The following VRK1 variants were observed in gnomAD, a reference collection of about 807,000 sequenced individuals.
VRK1 encodes the protein serine/threonine-protein kinase VRK1.
Under a neutral mutation model 57.1 loss-of-function variants are expected in VRK1, and 33 were observed. The ratio of observed to expected loss-of-function variants is 0.58; its 90% CI spans 0.44 to 0.77. The LOEUF is 0.77. VRK1 is among the 30% of genes least tolerant of loss of function. VRK1 has a pLI of 0.00. For missense variants in VRK1, 413 were observed against 477.3 expected (o/e 0.87, Z 1.25); for synonymous variants, 137 against 147.8 (o/e 0.93, Z 0.53).
intron 11 of VRK1, among the ~76,000 whole-genome samples, chr14:96,873,338 C>T (rs1410273572): frequency 6.6e-6 from 1 of 152,088 alleles, no homozygotes; most frequent in Non-Finnish European, 1.5e-5. Context: ...CTTCCTGTTT[C>T]TAAATTGGAA....
At chr14:96,797,887 A>C (rs1885501556) in intron 1 of VRK1, among the ~76,000 whole-genome samples, 1 of 152,212 alleles carries the variant, frequency 6.6e-6, no homozygotes. Context: ...CGCAGCTGCG[A>C]TGTTTTGCGG....
intron 1 of VRK1, among the ~76,000 whole-genome samples, chr14:96,832,853 C>T (rs1252987503): frequency 2.0e-5 from 3 of 152,138 alleles, no homozygotes; most frequent in African/African-American, 4.8e-5. Flanking sequence ...TTGGTGAGGT[C>T]TTGGAGCCAG....
rs1566721701 is a variant in VRK1 at position 96,876,100 on chromosome 14, CAGA to C, written c.1140_1142del (p.Glu382del). ...GATACGGAATGGTCAAACACACAGA[CAGA>C]GGAGGCCATACAGACCCGTAAGTTG... is the stretch of plus-strand genomic sequence containing the variant. On this transcript the variant is annotated inframe_deletion, in exon 12 of 13. Coordinates refer to ENST00000216639, the MANE Select transcript of VRK1 (RefSeq NM_003384.3). 6.2e-7 allele frequency: 1 copy of C among 1,613,592 alleles called. No individual in the cohort carries two copies. Among genetic ancestry groups the C allele is most frequent in the East Asian group, 2.2e-5 (1 of 44,856 alleles).
intron 1 of VRK1, among the ~76,000 whole-genome samples, chr14:96,830,458 A>G (rs1886961204): frequency 6.6e-6 from 1 of 151,106 alleles, no homozygotes; most frequent in Admixed American, 6.6e-5. Context: ...CTTCTCATGT[A>G]GTTTTTATTT....
rs560797951 is a variant in VRK1, at chr14:96,813,703, A to G, written c.-6+16256A>G. Among the ~76,000 whole-genome samples, 7 of 152,230 alleles carry G rather than the reference A, an allele frequency of 4.6e-5. No individual in the cohort carries two copies. In the South Asian group the frequency reaches 1.5e-3, roughly 32 times the overall value. On this transcript the variant is annotated intron_variant, in intron 1 of 12. Coordinates refer to ENST00000216639, the MANE Select transcript of VRK1 (RefSeq NM_003384.3). ...ATGTTTAGGTTTGATCTTTTATACT[A>G]TTTTTATGGCATTTATATTTATGGC...
chr14:96,849,304 A>C (rs183446395), intron 5 of VRK1, among the ~76,000 whole-genome samples: 2 of 152,316 alleles, frequency 1.3e-5, no homozygotes, highest in African/African-American at 4.8e-5. Flanking sequence ...TCCAGTATAC[A>C]ATAGTTATAT....
rs781055432 is a variant in VRK1 at position 96,855,205 on chromosome 14, G to C, written c.577-19G>C. 5.6e-6 allele frequency: 9 copies of C among 1,613,588 alleles called. No individual in the cohort carries two copies. The highest frequency in any genetic ancestry group is 7.6e-6 in the Non-Finnish European group (9 of 1,179,804). ...AGTGATTTTGACTTTAGTTTGTCTTGGTGCTTGGAAATTTATAGGTGTACT... is the reference window on the plus strand; with the variant it reads ...AGTGATTTTGACTTTAGTTTGTCTTCGTGCTTGGAAATTTATAGGTGTACT... On this transcript the variant is annotated intron_variant, in intron 7 of 12. Coordinates refer to ENST00000216639, the MANE Select transcript of VRK1 (RefSeq NM_003384.3).
At chr14:96,820,477 A>G (rs561171095) in intron 1 of VRK1, among the ~76,000 whole-genome samples, 5 of 152,114 alleles carry the variant, frequency 3.3e-5, no homozygotes, top group Non-Finnish European at 5.9e-5. Flanking sequence ...TTCTTGAACC[A>G]CACCACACTG....
In VRK1 at chr14:96,813,805, G is replaced by GTGC. The variant is rs1255888366; in HGVS notation, c.-6+16360_-6+16362dup. 2.6e-5 allele frequency among the ~76,000 whole-genome samples: 4 copies of GTGC among 152,214 alleles called. No individual in the cohort carries two copies. The East Asian group carries it at 7.7e-4, about 29-fold the overall frequency. On this transcript the variant is annotated intron_variant, in intron 1 of 12. Transcript: ENST00000216639. Reference sequence around the variant, plus strand: ...TTGCACATGATTTATTCTGCAGTATGTGCTCTCTTTTAATTAGCAAAAAGG... The same window carrying GTGC: ...TTGCACATGATTTATTCTGCAGTATGTGCTGCTCTCTTTTAATTAGCAAAAAGG...
intron 11 of VRK1, among the ~76,000 whole-genome samples, chr14:96,869,387 A>G (rs945166245): frequency 3.3e-5 from 5 of 152,194 alleles, no homozygotes; most frequent in Non-Finnish European, 7.4e-5. Context: ...AAGATCTTAG[A>G]TCTTTAAAAG....
intron 3 of VRK1, among the ~76,000 whole-genome samples, chr14:96,843,359 T>C (rs1329442878): frequency 6.6e-6 from 1 of 152,226 alleles, no homozygotes; most frequent in African/African-American, 2.4e-5. Flanking sequence ...TGTACTGTGG[T>C]CCTTTTCAGA....
intron 1 of VRK1, among the ~76,000 whole-genome samples, chr14:96,797,955 C>T (rs1885505373): frequency 6.6e-6 from 1 of 152,106 alleles, no homozygotes; most frequent in African/African-American, 2.4e-5. Flanking sequence ...GGAATGGGGG[C>T]GAGGCTCTTT....
In VRK1 at chr14:96,881,281, T is replaced by C. The variant is rs1029191695; in HGVS notation, c.*73T>C. 6 of 1,402,076 alleles carry C rather than the reference T, an allele frequency of 4.3e-6. No individual in the cohort carries two copies. Among genetic ancestry groups the C allele is most frequent in the Middle Eastern group, 2.3e-4 (1 of 4,300 alleles). 86.9% of individuals were successfully genotyped at this position (1,402,076 alleles called of 1,614,324 possible). On this transcript the variant is annotated 3_prime_UTR_variant, in exon 13 of 13. Transcript: ENST00000216639. ...TTTTTCTCCTTTTCTATTTGAACTGTTTTATTTTCCTGTGAGTCTTGCGAG... is the reference window on the plus strand; with the variant it reads ...TTTTTCTCCTTTTCTATTTGAACTGCTTTATTTTCCTGTGAGTCTTGCGAG...
chr14:96,811,146 G>T (rs920141596), intron 1 of VRK1, among the ~76,000 whole-genome samples: 1 of 151,920 alleles, frequency 6.6e-6, no homozygotes, highest in African/African-American at 2.4e-5. Flanking sequence ...GGCCAGGCTG[G>T]TCTTGAACTC....
intron 12 of VRK1, among the ~76,000 whole-genome samples, chr14:96,878,930 T>C (rs996990594): frequency 6.6e-6 from 1 of 152,192 alleles, no homozygotes; most frequent in Non-Finnish European, 1.5e-5. Flanking sequence ...GCTGGTGTAC[T>C]TTCCCCCCTC....
chr14:96,822,528 T>C (rs1240897719), intron 1 of VRK1, among the ~76,000 whole-genome samples: 3 of 152,198 alleles, frequency 2.0e-5, no homozygotes, highest in African/African-American at 7.2e-5. Context: ...ACCATTCCTA[T>C]CGTGAGGTGA....
At chr14:96,814,751 A>G (rs936467036) in intron 1 of VRK1, among the ~76,000 whole-genome samples, 1 of 152,204 alleles carries the variant, frequency 6.6e-6, no homozygotes, top group Non-Finnish European at 1.5e-5. Flanking sequence ...ATGTTCTCAT[A>G]CAAGGTTCTT....
intron 1 of VRK1, among the ~76,000 whole-genome samples, chr14:96,807,228 ATTCT>A: frequency 6.6e-6 from 1 of 152,322 alleles, no homozygotes; most frequent in East Asian, 1.9e-4. Flanking sequence ...CCATTAGAAA[ATTCT>A]TTCTTACATT....
chr14:96,820,470 T>A (rs562810525), intron 1 of VRK1, among the ~76,000 whole-genome samples: 2 of 152,330 alleles, frequency 1.3e-5, no homozygotes, highest in African/African-American at 2.4e-5. Context: ...GAAAAACTTC[T>A]TGAACCACAC....
Sources: gnomAD v4.1 joint callset for allele counts (sites outside exome capture counted in the v4.1 genomes callset) on GRCh38, gnomAD v4.1.1 for gene constraint, MANE v1.5 for transcripts, NCBI Gene and HGNC (gene_info 2026-07-23, HGNC 2026-07-21) for gene names.